ANK2: variants seen among roughly 807,000 people sequenced by gnomAD.
ANK2 encodes the protein ankyrin-2.
ANK2 carries 83 observed loss-of-function variants against 360.5 expected under a neutral mutation model. The observed-to-expected ratio is 0.23, with a 90% confidence interval of 0.19 to 0.28. The LOEUF (loss-of-function observed/expected upper bound fraction) is 0.28. ANK2 is among the 10% of genes least tolerant of loss of function. ANK2 has a pLI of 1.00. For synonymous variants in ANK2, 1,740 were observed against 1,759.5 expected (o/e 0.99, Z 0.28); for missense variants, 4,201 against 4,795.7 (o/e 0.88, Z 3.66).
rs1563049781 is a variant in ANK2, at chr4:113,232,138, CT to C, written c.385-16del. ...CTCTTATACAAATGATTGAAGGTGT[CT>C]TTTTTTATTGCTTGTCCTCAGAATG... On this transcript the variant is annotated intron_variant, in intron 4 of 45. Transcript: ENST00000357077. The C allele has an allele frequency of 6.6e-7, 1 of 1,514,032 alleles. No homozygotes were observed. Among genetic ancestry groups the C allele is most frequent in the Non-Finnish European group, 9.2e-7 (1 of 1,089,506 alleles). 93.8% of individuals were successfully genotyped at this position (1,514,032 alleles called of 1,614,324 possible). A position where few individuals can be genotyped will look rare whatever the true frequency, so the allele number is the denominator to read the frequency against.
chr4:113,122,892 T>C (rs2095451553), intron 1 of ANK2, among the ~76,000 whole-genome samples: 1 of 151,440 alleles, frequency 6.6e-6, no homozygotes, highest in African/African-American at 2.4e-5. Context: ...ACCAGCACCA[T>C]AAAGCTGAGT....
chr4:112,824,459 TC>T lies in ANK2; in HGVS notation c.-40+6197del, dbSNP rs548507591. Among the ~76,000 whole-genome samples the T allele has an allele frequency of 2.1e-3, 316 of 152,002 alleles. 1 individual carries two copies. Among genetic ancestry groups the T allele is most frequent in the African/African-American group, 7.3e-3 (303 of 41,478 alleles). ...TCAAGCAATCCTCCTGCCTTAGCTT[TC>T]CAAAGTGCTGGGATTACAGATGTGA... On this transcript the variant is annotated intron_variant, in intron 1 of 30. Coordinates refer to the ANK2 transcript ENST00000503271.
At position 113,354,453 on chromosome 4, in the gene ANK2, G is replaced by A. The variant is rs1216296600; in HGVS notation, c.5835G>A (p.Thr1945=). ...KRLPVSPSGR[T]DKHQPVSTAG... ...TGCCTGTTTCACCCTCCGGAAGAAC[G>A]GACAAGCACCAACCTGTATCAACAG... The change falls in exon 38 of 46, where the codon ACG becomes ACA. Residue 1945 remains threonine (T), a synonymous_variant. Transcript: ENST00000357077. The A allele has an allele frequency of 4.3e-6, 7 of 1,613,848 alleles. No individual in the cohort carries two copies. The highest frequency in any genetic ancestry group is 4.5e-5 in the East Asian group (2 of 44,866).
chr4:113,105,961 A>C (rs1393200733), intron 1 of ANK2, among the ~76,000 whole-genome samples: 2 of 152,208 alleles, frequency 1.3e-5, no homozygotes, highest in Non-Finnish European at 2.9e-5. Context: ...GGATGTGGCA[A>C]CTGCTAACTT....
chr4:112,983,973 A>G (rs1235830553), intron 2 of ANK2, among the ~76,000 whole-genome samples: 5 of 152,184 alleles, frequency 3.3e-5, no homozygotes, highest in Non-Finnish European at 7.4e-5. Context: ...AACAGAATTT[A>G]TCTGTATTTT....
chr4:113,045,384 T>C (rs1166081903), upstream of ANK2, among the ~76,000 whole-genome samples: 1 of 152,208 alleles, frequency 6.6e-6, no homozygotes, highest in Non-Finnish European at 1.5e-5. Flanking sequence ...CTTTATTAAG[T>C]GGCTGCTTTT....
the ANK2 span, among the ~76,000 whole-genome samples, chr4:112,756,568 T>G: frequency 6.6e-6 from 1 of 152,210 alleles, no homozygotes; most frequent in Admixed American, 6.5e-5. Context: ...CACATGTTAC[T>G]TGGGAGAATT....
chr4:113,370,880 C>G (rs2154069596), intron 43 of ANK2, among the ~76,000 whole-genome samples: 1 of 152,172 alleles, frequency 6.6e-6, no homozygotes, highest in East Asian at 1.9e-4. Context: ...TAGAATGAAT[C>G]CCAGGGTGGG....
intron 41 of ANK2, 70 bp downstream of exon 41, chr4:113,365,252 T>C (rs1355287900): frequency 4.5e-6 from 7 of 1,539,686 alleles, no homozygotes; most frequent in Middle Eastern, 1.7e-4. Context: ...GTGTGGTTAA[T>C]TGAGGCACTG....
At chr4:112,809,377 C>T in the ANK2 span, among the ~76,000 whole-genome samples, 4 of 150,232 alleles carry the variant, frequency 2.7e-5, no homozygotes, top group African/African-American at 9.8e-5. Flanking sequence ...CTGGCTAACA[C>T]GGTGAAACCC....
intron 2 of ANK2, among the ~76,000 whole-genome samples, chr4:113,195,470 A>G (rs574279783): frequency 1.3e-5 from 2 of 152,276 alleles, no homozygotes; most frequent in South Asian, 4.1e-4. Context: ...AGCTTCTGAG[A>G]TTATTTATGA....
chr4:112,804,681 A>G, the ANK2 span, among the ~76,000 whole-genome samples: 1 of 152,124 alleles, frequency 6.6e-6, no homozygotes, highest in Non-Finnish European at 1.5e-5. Context: ...GACATGGATG[A>G]TATTTTCCAA....
chr4:112,981,017 C>T (rs955723855), intron 2 of ANK2, among the ~76,000 whole-genome samples: 2 of 152,162 alleles, frequency 1.3e-5, no homozygotes, highest in African/African-American at 4.8e-5. Context: ...CGAAGATCTG[C>T]GTGATTACAA....
At chr4:112,788,115 T>C in the ANK2 span, 14 of 1,574,388 alleles carry the variant, frequency 8.9e-6, no homozygotes, top group South Asian at 1.5e-4. Flanking sequence ...TCTTTAGCCT[T>C]TGCCTTTTCG....
At chr4:113,170,970 A>G (rs2097920487) in intron 1 of ANK2, among the ~76,000 whole-genome samples, 1 of 152,202 alleles carries the variant, frequency 6.6e-6, no homozygotes, top group Admixed American at 6.5e-5. Flanking sequence ...TTAGGATTTG[A>G]GAGTCCTAGG....
At chr4:113,035,062 A>G (rs1358837856) in intron 2 of ANK2, among the ~76,000 whole-genome samples, 1 of 151,854 alleles carries the variant, frequency 6.6e-6, no homozygotes, top group Non-Finnish European at 1.5e-5. Context: ...TTTTTCTTAA[A>G]AAGTAGGCTT....
intron 32 of ANK2, among the ~76,000 whole-genome samples, chr4:113,340,381 T>C (rs1008357825): frequency 2.6e-5 from 4 of 152,138 alleles, no homozygotes; most frequent in Non-Finnish European, 4.4e-5. Context: ...CAATTATCCA[T>C]GTAGTCTATA....
chr4:113,134,646 G>C (rs1173854275), intron 1 of ANK2, among the ~76,000 whole-genome samples: 1 of 151,998 alleles, frequency 6.6e-6, no homozygotes, highest in African/African-American at 2.4e-5. Context: ...TATTAAAATA[G>C]AAAAGGCATA....
At chr4:113,004,619 A>G (rs994997213) in intron 2 of ANK2, among the ~76,000 whole-genome samples, 2 of 152,192 alleles carry the variant, frequency 1.3e-5, no homozygotes, top group Non-Finnish European at 2.9e-5. Context: ...TTCTTTTTCT[A>G]TAAGTGATGG....
Sources: allele counts gnomAD v4.1 joint callset (sites outside exome capture counted in the v4.1 genomes callset), GRCh38; gene constraint gnomAD v4.1.1; transcripts MANE v1.5; gene names NCBI Gene and HGNC (gene_info 2026-07-23, HGNC 2026-07-21).